TENM3: variants seen among roughly 807,000 people sequenced by gnomAD.
The protein encoded by TENM3 is teneurin transmembrane protein 3, also known as teneurin-3.
In TENM3, 63 loss-of-function variants were observed where a neutral mutation model predicts 255.1. That is an observed-to-expected ratio of 0.25 (90% CI 0.20 to 0.30). The LOEUF (loss-of-function observed/expected upper bound fraction) is 0.30, where lower values mean the gene tolerates loss of function less well. Among genes scored for constraint, TENM3 ranks in the 10% least tolerant of loss-of-function variants. TENM3 has a pLI of 1.00. For missense variants in TENM3, 2,929 were observed against 3,461.1 expected, an observed-to-expected ratio of 0.85 and a Z score of 3.86; for synonymous variants, 1,306 against 1,322.3, an observed-to-expected ratio of 0.99 and a Z score of 0.27.
the TENM3 span, among the ~76,000 whole-genome samples, chr4:181,571,766 C>A: frequency 6.6e-6 from 1 of 152,150 alleles, no homozygotes. Flanking sequence ...TTCCCTCTAA[C>A]ACCAAGCTCT....
At chr4:181,702,558 A>T in the TENM3 span, among the ~76,000 whole-genome samples, 1 of 152,196 alleles carries the variant, frequency 6.6e-6, no homozygotes, top group East Asian at 1.9e-4. Context: ...CTTTTTTGTA[A>T]AAAACAAATG....
At chr4:181,568,698 T>C in the TENM3 span, among the ~76,000 whole-genome samples, 1 of 152,156 alleles carries the variant, frequency 6.6e-6, no homozygotes, top group Non-Finnish European at 1.5e-5. Context: ...TCTGATACTT[T>C]ATTCAGCACT....
intron 1 of TENM3, among the ~76,000 whole-genome samples, chr4:182,294,654 T>C (rs893244067): frequency 1.3e-5 from 2 of 152,112 alleles, no homozygotes; most frequent in Admixed American, 6.6e-5. Flanking sequence ...AAGATCCAGA[T>C]TAAGGAAAGG....
chr4:182,641,380 A>G (rs892403304), intron 5 of TENM3, among the ~76,000 whole-genome samples: 5 of 152,226 alleles, frequency 3.3e-5, no homozygotes, highest in African/African-American at 1.2e-4. Context: ...GGTGATTACA[A>G]TGCCTTAAAA....
chr4:182,240,351 A>T (rs937658366), upstream of TENM3, among the ~76,000 whole-genome samples: 1 of 152,126 alleles, frequency 6.6e-6, no homozygotes, highest in Admixed American at 6.5e-5. Flanking sequence ...CCTACGAGAG[A>T]CACAGAAGAG....
upstream of TENM3, among the ~76,000 whole-genome samples, chr4:182,140,698 G>C (rs1023211861): frequency 2.6e-5 from 4 of 152,292 alleles, no homozygotes; most frequent in East Asian, 1.9e-4. Context: ...GAGTCTGCAC[G>C]GGCAAGAGGC....
chr4:181,831,498 C>A, the TENM3 span, among the ~76,000 whole-genome samples: 3 of 22,540 alleles, frequency 1.3e-4, no homozygotes, highest in Non-Finnish European at 1.9e-4. Flanking sequence ...TGCCTATGTG[C>A]CAAAAAAAAA....
At chr4:181,935,513 G>T in the TENM3 span, among the ~76,000 whole-genome samples, 3 of 152,310 alleles carry the variant, frequency 2.0e-5, 1 homozygote, top group Non-Finnish European at 4.4e-5. Flanking sequence ...TGCTAATTCA[G>T]TCTAGTCTCT....
At chr4:182,514,123 A>G (rs1737694644) in intron 3 of TENM3, among the ~76,000 whole-genome samples, 1 of 152,158 alleles carries the variant, frequency 6.6e-6, no homozygotes, top group South Asian at 2.1e-4. Context: ...CTGTATTGTC[A>G]GTGGCAGTCA....
intron 5 of TENM3, among the ~76,000 whole-genome samples, chr4:182,638,088 TC>T (rs376785037): frequency 4.9e-4 from 74 of 152,138 alleles, no homozygotes; most frequent in South Asian, 3.5e-3. Context: ...AGCCCAGTGT[TC>T]CAGTTAACAT....
chr4:181,751,319 C>A, the TENM3 span, among the ~76,000 whole-genome samples: 1 of 151,538 alleles, frequency 6.6e-6, no homozygotes, highest in East Asian at 1.9e-4. Flanking sequence ...ATTTGGAAGC[C>A]CAAACTATTT....
intron 1 of TENM3, among the ~76,000 whole-genome samples, chr4:182,287,196 C>G (rs1471891793): frequency 6.6e-6 from 1 of 152,194 alleles, no homozygotes; most frequent in African/African-American, 2.4e-5. Context: ...CCACTGCACT[C>G]CAGCTTGGGT....
At chr4:182,525,742 T>C (rs10024460) in intron 3 of TENM3, among the ~76,000 whole-genome samples, 5,481 of 152,264 alleles carry the variant, frequency 0.036, 215 homozygotes, top group African/African-American at 0.095. Flanking sequence ...ATTACTTGCC[T>C]CTTTGTCAGT....
the TENM3 span, among the ~76,000 whole-genome samples, chr4:181,997,895 A>T: frequency 6.6e-6 from 1 of 152,246 alleles, no homozygotes; most frequent in African/African-American, 2.4e-5. Context: ...TTATAATCTT[A>T]TTCAAACAAT....
At chr4:181,817,805 C>T in the TENM3 span, among the ~76,000 whole-genome samples, 1 of 152,178 alleles carries the variant, frequency 6.6e-6, no homozygotes, top group Non-Finnish European at 1.5e-5. Flanking sequence ...TTGGCCTTGG[C>T]CCTCCCAGCC....
chr4:182,021,007 C>A, the TENM3 span, among the ~76,000 whole-genome samples: 1 of 151,902 alleles, frequency 6.6e-6, no homozygotes, highest in African/African-American at 2.4e-5. Flanking sequence ...GTATATTGTG[C>A]AATGCTGAGG....
In TENM3 at chr4:182,458,260, A is replaced by G. The variant is rs186746929; in HGVS notation, c.511+111331A>G. Among the ~76,000 whole-genome samples the G allele has an allele frequency of 2.7e-4, 41 of 152,320 alleles. No homozygotes were observed. The East Asian group carries it at 7.1e-3, about 27-fold the overall frequency. Reference sequence around the variant, plus strand: ...GCTTTTATTGACATTTCTATTCCCCATTGAATGGCTTGTTTATTTAATTGA... The same window carrying G: ...GCTTTTATTGACATTTCTATTCCCCGTTGAATGGCTTGTTTATTTAATTGA... On this transcript the variant is annotated intron_variant, in intron 3 of 27. Transcript: ENST00000511685.
the TENM3 span, among the ~76,000 whole-genome samples, chr4:181,454,596 A>ATT: frequency 1.8e-4 from 24 of 131,528 alleles, no homozygotes; most frequent in African/African-American, 2.5e-4. Context: ...CAGACGTACA[A>ATT]TTTTTTTTTT....
intron 1 of TENM3, among the ~76,000 whole-genome samples, chr4:182,229,353 G>GT (rs2150005386): frequency 6.6e-6 from 1 of 152,176 alleles, no homozygotes; most frequent in African/African-American, 2.4e-5. Context: ...TAAAAACCCC[G>GT]TAATAATTGC....
Sources: allele counts gnomAD v4.1 joint callset (sites outside exome capture counted in the v4.1 genomes callset), GRCh38; gene constraint gnomAD v4.1.1; transcripts MANE v1.5; gene names NCBI Gene and HGNC (gene_info 2026-07-23, HGNC 2026-07-21).